Variants in ADGRL3 observed in about 807,000 individuals in gnomAD.
ADGRL3 encodes calcium-independent alpha-latrotoxin receptor 3.
In ADGRL3, 62 loss-of-function variants were observed where a neutral mutation model predicts 153.5. The ratio of observed to expected loss-of-function variants is 0.40; its 90% confidence interval spans 0.33 to 0.50. The LOEUF (loss-of-function observed/expected upper bound fraction) is 0.50, where lower values mean the gene tolerates loss of function less well. Ranked by LOEUF, ADGRL3 falls within the 20% of genes least tolerant of loss-of-function variation. ADGRL3 has a pLI of 0.47. For missense variants in ADGRL3, 1,641 were observed against 1,859.4 expected (o/e 0.88, Z 2.16); for synonymous variants, 710 against 672.5 (o/e 1.06, Z -0.86).
At chr4:61,698,964 T>C (rs1255854490) in intron 6 of ADGRL3, among the ~76,000 whole-genome samples, 1 of 152,232 alleles carries the variant, frequency 6.6e-6, no homozygotes, top group Admixed American at 6.5e-5. Context: ...ATTAGTGTGC[T>C]TCTTCCTCTA....
rs535935520 is a variant in ADGRL3, at chr4:61,270,976, A to C, written c.-240+69211A>C. On this transcript the variant is annotated intron_variant, in intron 1 of 26. Transcript: ENST00000683033. ...GTGGTTACAGGAAAGAAGAGTAAAC[A>C]GTATCAGTTATTGAGAGCCTCCTAT... Among the ~76,000 whole-genome samples the C allele has an allele frequency of 2.0e-5, 3 of 151,958 alleles. No homozygotes were observed. The East Asian group carries it at 5.8e-4, about 29-fold the overall frequency.
chr4:61,642,826 A>C (rs981218803), intron 5 of ADGRL3, among the ~76,000 whole-genome samples: 21 of 152,312 alleles, frequency 1.4e-4, no homozygotes, highest in African/African-American at 2.6e-4. Context: ...TCTGTGAAGA[A>C]AGTCATTGGT....
intron 8 of ADGRL3, among the ~76,000 whole-genome samples, chr4:61,738,810 G>A (rs2096549374): frequency 6.6e-6 from 1 of 152,014 alleles, no homozygotes; most frequent in African/African-American, 2.4e-5. Context: ...TTCAACAATA[G>A]CTATGTTAAG....
rs560103134 is a variant in ADGRL3, at chr4:61,538,302, G to A, written c.259+20784G>A. 2.7e-4 allele frequency among the ~76,000 whole-genome samples: 41 copies of A among 152,174 alleles called. No individual in the cohort carries two copies. The South Asian group carries it at 8.1e-3, about 30-fold the overall frequency. On this transcript the variant is annotated intron_variant, in intron 4 of 26. Coordinates refer to ENST00000683033, the MANE Select transcript of ADGRL3 (RefSeq NM_001387552.1). ...CTACGTAGTGGCTTTTTCAAATGAT[G>A]CTTGTTGTAGTGATGTGTTGGATGT...
intron 12 of ADGRL3, among the ~76,000 whole-genome samples, chr4:61,910,807 A>C (rs2098718516): frequency 6.6e-6 from 1 of 151,862 alleles, no homozygotes; most frequent in African/African-American, 2.4e-5. Context: ...TACTAGGGTA[A>C]GAATTTCAGT....
chr4:61,242,555 G>A (rs1755422144), intron 1 of ADGRL3, among the ~76,000 whole-genome samples: 1 of 151,908 alleles, frequency 6.6e-6, no homozygotes, highest in Non-Finnish European at 1.5e-5. Context: ...CTTGCATTCA[G>A]AATTAATGTC....
chr4:61,848,959 A>G (rs73823263), intron 9 of ADGRL3, among the ~76,000 whole-genome samples: 10,552 of 152,180 alleles, frequency 0.069, 710 homozygotes, highest in African/African-American at 0.17. Flanking sequence ...CCATAGCAGC[A>G]TTCAGAGAAG....
At chr4:61,216,191 T>G (rs1187966847) in intron 1 of ADGRL3, among the ~76,000 whole-genome samples, 2 of 152,176 alleles carry the variant, frequency 1.3e-5, no homozygotes, top group African/African-American at 4.8e-5. Context: ...CGAAATAGAT[T>G]AGACTATCTT....
At chr4:61,811,065 C>T (rs552454057) in intron 8 of ADGRL3, among the ~76,000 whole-genome samples, 5 of 152,096 alleles carry the variant, frequency 3.3e-5, no homozygotes, top group South Asian at 2.1e-4. Flanking sequence ...ACAGCCTCTT[C>T]GGAAATCAGT....
chr4:62,000,118 A>G (rs1204019999), intron 21 of ADGRL3, among the ~76,000 whole-genome samples: 2 of 151,834 alleles, frequency 1.3e-5, no homozygotes, highest in African/African-American at 4.8e-5. Context: ...AAAATAAAAC[A>G]TAAGTAATAC....
chr4:61,555,385 G>A (rs1262508840), intron 4 of ADGRL3, among the ~76,000 whole-genome samples: 1 of 152,106 alleles, frequency 6.6e-6, no homozygotes, highest in East Asian at 1.9e-4. Context: ...TAGCAGAAAT[G>A]TTTCTCTTTG....
intron 2 of ADGRL3, among the ~76,000 whole-genome samples, chr4:61,460,295 G>A (rs1260468460): frequency 6.6e-6 from 1 of 152,010 alleles, no homozygotes; most frequent in African/African-American, 2.4e-5. Context: ...AGGATATCCA[G>A]TTTTCCCAGA....
intron 1 of ADGRL3, among the ~76,000 whole-genome samples, chr4:61,293,004 T>C (rs572095777): frequency 3.9e-4 from 60 of 152,294 alleles, no homozygotes; most frequent in African/African-American, 1.2e-3. Context: ...TTCAGGTTAA[T>C]CGTCGTCTTT....
At chr4:61,638,896 G>T (rs1048925026) in intron 5 of ADGRL3, among the ~76,000 whole-genome samples, 1 of 152,270 alleles carries the variant, frequency 6.6e-6, no homozygotes, top group South Asian at 2.1e-4. Flanking sequence ...TGTAAATTTA[G>T]TTCCTCCTGC....
chr4:61,983,185 T>G (rs1162797118), intron 18 of ADGRL3, among the ~76,000 whole-genome samples, 198 bp from the exon 19 acceptor site: 1 of 152,202 alleles, frequency 6.6e-6, no homozygotes, highest in African/African-American at 2.4e-5. Context: ...CCATTATTAA[T>G]GTTAAAGGCA....
At chr4:61,223,957 T>C (rs1375734556) in intron 1 of ADGRL3, among the ~76,000 whole-genome samples, 1 of 152,172 alleles carries the variant, frequency 6.6e-6, no homozygotes, top group East Asian at 1.9e-4. Flanking sequence ...ATGCATTGCT[T>C]AATTAATCAA....
At chr4:61,702,827 C>T (rs550177342) in intron 6 of ADGRL3, among the ~76,000 whole-genome samples, 1 of 152,252 alleles carries the variant, frequency 6.6e-6, no homozygotes, top group East Asian at 1.9e-4. Context: ...ATATCTATAA[C>T]TATATCACGA....
intron 2 of ADGRL3, among the ~76,000 whole-genome samples, chr4:61,391,128 A>G (rs1458398987): frequency 1.3e-5 from 2 of 152,188 alleles, no homozygotes; most frequent in Non-Finnish European, 2.9e-5. Flanking sequence ...CTGCTAGTAC[A>G]AGGCAATTTA....
intron 2 of ADGRL3, among the ~76,000 whole-genome samples, chr4:61,489,430 A>G (rs1197851261): frequency 1.3e-5 from 2 of 152,022 alleles, no homozygotes; most frequent in African/African-American, 4.8e-5. Context: ...AGGTAAATAC[A>G]TATTTATTAT....
Sources: gnomAD v4.1 joint callset for allele counts (sites outside exome capture counted in the v4.1 genomes callset) on GRCh38, gnomAD v4.1.1 for gene constraint, MANE v1.5 for transcripts, NCBI Gene and HGNC (gene_info 2026-07-23, HGNC 2026-07-21) for gene names.